The following ROBO1 variants were observed in gnomAD, a reference collection of about 807,000 sequenced individuals.
The protein encoded by ROBO1 is roundabout guidance receptor 1.
A neutral mutation model predicts 195.9 loss-of-function variants in ROBO1; 149 were observed. The ratio of observed to expected loss-of-function variants is 0.76; its 90% CI spans 0.67 to 0.87. ROBO1 has a LOEUF of 0.87. Among genes scored for constraint, ROBO1 ranks in the 40% least tolerant of loss-of-function variants. ROBO1 has a pLI of 0.00. For missense variants in ROBO1, 1,933 were observed against 2,068.3 expected (o/e 0.93, Z 1.27); for synonymous variants, 816 against 733.2 (o/e 1.11, Z -1.82).
At chr3:79,179,749 T>C (rs1319234065) in intron 2 of ROBO1, among the ~76,000 whole-genome samples, 2 of 152,214 alleles carry the variant, frequency 1.3e-5, no homozygotes, top group African/African-American at 2.4e-5. Context: ...GAATAAAGGA[T>C]TTAAAACAAT....
intron 2 of ROBO1, among the ~76,000 whole-genome samples, chr3:79,577,841 G>A (rs577502467): frequency 2.0e-5 from 3 of 151,998 alleles, no homozygotes; most frequent in Non-Finnish European, 2.9e-5. Flanking sequence ...GAACTCGGGA[G>A]GCAGAGGTTG....
chr3:79,019,292 G>T (rs1336218267), intron 3 of ROBO1: 14 of 985,684 alleles, frequency 1.4e-5, no homozygotes, highest in Non-Finnish European at 1.6e-5. Context: ...CCCCTGGCTC[G>T]TGGAAGCTGT....
chr3:79,334,342 A>ATATATATATATATATATATG (rs2034576919), intron 2 of ROBO1, among the ~76,000 whole-genome samples: 1 of 146,408 alleles, frequency 6.8e-6, no homozygotes, highest in Non-Finnish European at 1.5e-5. Context: ...GTGTATATAT[A>ATATATATATATATATATATG]TGTATATATG....
intron 2 of ROBO1, among the ~76,000 whole-genome samples, chr3:79,451,648 TG>T: frequency 6.6e-6 from 1 of 152,268 alleles, no homozygotes; most frequent in South Asian, 2.1e-4. Context: ...ATTGATTGGA[TG>T]ATCTATCTGT....
chr3:78,787,506 A>G (rs918315031), intron 4 of ROBO1, among the ~76,000 whole-genome samples: 25 of 152,222 alleles, frequency 1.6e-4, no homozygotes, highest in African/African-American at 5.5e-4. Context: ...AACCATAAGT[A>G]CTTTCACTTT....
chr3:79,217,905 G>A (rs1484205605), intron 2 of ROBO1, among the ~76,000 whole-genome samples: 2 of 151,498 alleles, frequency 1.3e-5, no homozygotes, highest in African/African-American at 4.8e-5. Flanking sequence ...TAAATCCATG[G>A]TTCTATTGGT....
At chr3:78,887,485 T>TA (rs2036635247) in intron 4 of ROBO1, among the ~76,000 whole-genome samples, 1 of 152,192 alleles carries the variant, frequency 6.6e-6, no homozygotes, top group South Asian at 2.1e-4. Flanking sequence ...AGCCGATACT[T>TA]AAAGCATGAG....
intron 1 of ROBO1, among the ~76,000 whole-genome samples, chr3:79,641,229 C>T (rs1412365009): frequency 6.6e-6 from 1 of 151,900 alleles, no homozygotes; most frequent in African/African-American, 2.4e-5. Flanking sequence ...CTCAGAATGC[C>T]CTTTTCATTC....
intron 2 of ROBO1, among the ~76,000 whole-genome samples, chr3:79,296,761 C>T (rs1053690780): frequency 6.6e-6 from 1 of 152,142 alleles, no homozygotes; most frequent in African/African-American, 2.4e-5. Context: ...TTTAAAAGAA[C>T]TCAGAAACCC....
chr3:79,560,743 T>A (rs1191385262), intron 2 of ROBO1, among the ~76,000 whole-genome samples: 2 of 151,804 alleles, frequency 1.3e-5, no homozygotes, highest in Admixed American at 6.6e-5. Context: ...AGCAAGGAAT[T>A]TCATGTGTAT....
At chr3:78,907,925 C>G (rs2038020276) in intron 4 of ROBO1, among the ~76,000 whole-genome samples, 1 of 151,918 alleles carries the variant, frequency 6.6e-6, no homozygotes, top group South Asian at 2.1e-4. Context: ...AATAAAATTT[C>G]TAAGCATTTT....
At chr3:79,522,185 G>A (rs191823409) in intron 2 of ROBO1, among the ~76,000 whole-genome samples, 1 of 152,130 alleles carries the variant, frequency 6.6e-6, no homozygotes, top group Admixed American at 6.5e-5. Context: ...ATAACTTACT[G>A]GTAATTGTAT....
At chr3:78,717,628 T>G in intron 6 of ROBO1, 135 bp downstream of exon 6, 1 of 1,081,678 alleles carries the variant, frequency 9.2e-7, no homozygotes, top group Non-Finnish European at 1.3e-6. Context: ...GCTGCTTTTC[T>G]GATTTCTTCT....
chr3:78,757,690 T>A (rs1001995174), intron 4 of ROBO1, among the ~76,000 whole-genome samples: 7 of 152,124 alleles, frequency 4.6e-5, no homozygotes, highest in Non-Finnish European at 8.8e-5. Context: ...TTCCCACCAA[T>A]GTATCTTTGT....
chr3:78,635,228 A>G (rs1209856799), intron 23 of ROBO1, among the ~76,000 whole-genome samples: 5 of 152,168 alleles, frequency 3.3e-5, no homozygotes, highest in Admixed American at 2.0e-4. Context: ...ACAGACTTCA[A>G]TCAGGTCAAC....
chr3:78,969,733 A>G (rs1312710593), intron 3 of ROBO1, among the ~76,000 whole-genome samples: 1 of 152,188 alleles, frequency 6.6e-6, no homozygotes, highest in Non-Finnish European at 1.5e-5. Context: ...TTTGACTTTC[A>G]AAAAACCCAG....
At chr3:79,502,098 G>A (rs910663487) in intron 2 of ROBO1, among the ~76,000 whole-genome samples, 1 of 152,188 alleles carries the variant, frequency 6.6e-6, no homozygotes, top group Admixed American at 6.5e-5. Context: ...CATGCTGGCA[G>A]CCCTCGCAGC....
At chr3:79,680,659 G>A (rs957514417) in intron 1 of ROBO1, among the ~76,000 whole-genome samples, 2 of 152,034 alleles carry the variant, frequency 1.3e-5, no homozygotes, top group Non-Finnish European at 2.9e-5. Context: ...GATGATGACA[G>A]TCATATTTAA....
chr3:78,809,221 A>G lies in ROBO1; in HGVS notation c.500-62321T>C, dbSNP rs534906833. Among the ~76,000 whole-genome samples, 436 of 152,286 alleles carry G rather than the reference A, an allele frequency of 2.9e-3. 3 individuals are homozygous for G. Among genetic ancestry groups the G allele is most frequent in the African/African-American group, 9.9e-3 (412 of 41,570 alleles). On this transcript the variant is annotated intron_variant, in intron 4 of 30. Coordinates refer to ENST00000464233, the MANE Select transcript of ROBO1 (RefSeq NM_002941.4). The stretch of plus-strand genomic sequence containing the variant: ...CTTTTCAAAAGAAGATATTTATGTG[A>G]CCAACAAACATATGAAAAAAAGCTC...
Sources: gnomAD v4.1 joint callset for allele counts (sites outside exome capture counted in the v4.1 genomes callset) on GRCh38, gnomAD v4.1.1 for gene constraint, MANE v1.5 for transcripts, NCBI Gene and HGNC (gene_info 2026-07-23, HGNC 2026-07-21) for gene names.